Variants in SLIT3 observed in about 807,000 individuals in gnomAD.
The protein encoded by SLIT3 is slit homolog 3 protein.
In SLIT3, 68 loss-of-function variants were observed where a neutral mutation model predicts 184.0. The observed-to-expected ratio is 0.37, with a 90% CI of 0.30 to 0.45. SLIT3 has a LOEUF of 0.45. SLIT3 is among the 20% of genes least tolerant of loss of function. The probability of loss-of-function intolerance (pLI) is 1.00; values close to 1 mark genes in which losing one functional copy is unlikely to be tolerated. For synonymous variants in SLIT3, 831 were observed against 828.6 expected (o/e 1.00, Z -0.05); for missense variants, 1,707 against 2,026.0 (o/e 0.84, Z 3.02).
chr5:168,846,467 G>T (rs1208408334), intron 5 of SLIT3, among the ~76,000 whole-genome samples: 1 of 152,154 alleles, frequency 6.6e-6, no homozygotes, highest in Non-Finnish European at 1.5e-5. Context: ...TATGAAGGCA[G>T]TCTAGTCCTG....
rs144828448 is a variant in SLIT3 at position 169,076,324 on chromosome 5, TG to T, written c.413+117154del. ...TAGCACTAGAGATTGTTCAGGAGGC[TG>T]TGATTATAACCCAGGGCTGCTATGT... is the stretch of plus-strand genomic sequence containing the variant. On this transcript the variant is annotated intron_variant, in intron 4 of 35. Coordinates refer to ENST00000519560, the MANE Select transcript of SLIT3 (RefSeq NM_003062.4). 6.8e-3 allele frequency among the ~76,000 whole-genome samples: 1,042 copies of T among 152,314 alleles called. 13 individuals carry two copies. The highest frequency in any genetic ancestry group is 0.024 in the African/African-American group (1,009 of 41,560).
chr5:168,794,520 G>A (rs4867933), intron 10 of SLIT3, among the ~76,000 whole-genome samples: 61,191 of 151,978 alleles, frequency 0.4, 14,305 homozygotes, highest in African/African-American at 0.65. Flanking sequence ...GTGCCGTCCA[G>A]GCTGCTGTGG....
chr5:169,146,610 C>G (rs1388989427), intron 4 of SLIT3, among the ~76,000 whole-genome samples: 1 of 152,172 alleles, frequency 6.6e-6, no homozygotes, highest in African/African-American at 2.4e-5. Flanking sequence ...TCCACTGCTA[C>G]CTGCACACCT....
Position 168,762,522 on chromosome 5 carries a change from G to T in SLIT3, c.1610+17C>A. The T allele has an allele frequency of 1.2e-6, 2 of 1,609,472 alleles. No homozygotes were observed. Among genetic ancestry groups the T allele is most frequent in the South Asian group, 1.1e-5 (1 of 90,976 alleles). Reference sequence around the variant, plus strand: ...GTGTGGGGAGGAGTAGGGAGTTCACGCCGAGGTTGGACTTACAGGTCGGTG... The same window carrying T: ...GTGTGGGGAGGAGTAGGGAGTTCACTCCGAGGTTGGACTTACAGGTCGGTG... On this transcript the variant is annotated intron_variant, in intron 15 of 35. Transcript: ENST00000519560.
At chr5:168,775,328 C>T (rs910090514) in intron 12 of SLIT3, among the ~76,000 whole-genome samples, 4 of 152,282 alleles carry the variant, frequency 2.6e-5, no homozygotes, top group East Asian at 3.9e-4. Context: ...TGAGCCACCA[C>T]GCCCGGCCTA....
At chr5:168,667,382 A>G (rs1761091134) in intron 35 of SLIT3, among the ~76,000 whole-genome samples, 1 of 152,256 alleles carries the variant, frequency 6.6e-6, no homozygotes, top group African/African-American at 2.4e-5. Context: ...AGACATTTGT[A>G]TTCAAAAGGC....
At chr5:169,144,864 G>A (rs1761875963) in intron 4 of SLIT3, among the ~76,000 whole-genome samples, 1 of 152,160 alleles carries the variant, frequency 6.6e-6, no homozygotes, top group Admixed American at 6.5e-5. Flanking sequence ...AAAAGAAGTA[G>A]CAAGACGGAA....
At chr5:168,887,756 A>C (rs568529067) in intron 4 of SLIT3, among the ~76,000 whole-genome samples, 1 of 152,230 alleles carries the variant, frequency 6.6e-6, no homozygotes, top group Non-Finnish European at 1.5e-5. Flanking sequence ...TCTGCAGAGC[A>C]CTCTGCACAG....
intron 32 of SLIT3, among the ~76,000 whole-genome samples, chr5:168,673,540 T>C (rs292487): frequency 6.6e-6 from 1 of 152,098 alleles, no homozygotes; most frequent in African/African-American, 2.4e-5. Flanking sequence ...GTGCTTATGG[T>C]TTTCTCTGTG....
At chr5:168,866,863 CT>C (rs1366108845) in intron 5 of SLIT3, among the ~76,000 whole-genome samples, 1 of 152,200 alleles carries the variant, frequency 6.6e-6, no homozygotes, top group Non-Finnish European at 1.5e-5. Context: ...AGTGCTAACT[CT>C]TTTACAAACA....
intron 6 of SLIT3, among the ~76,000 whole-genome samples, chr5:168,829,383 G>T (rs1295992222): frequency 3.9e-5 from 6 of 152,154 alleles, no homozygotes; most frequent in African/African-American, 7.2e-5. Flanking sequence ...CTTCCTGTGG[G>T]TATTCTTGGA....
At chr5:168,728,917 C>CA (rs61422376) in intron 20 of SLIT3, among the ~76,000 whole-genome samples, 121 of 128,920 alleles carry the variant, frequency 9.4e-4, no homozygotes, top group Middle Eastern at 8.2e-3. Flanking sequence ...GACTCTGTCT[C>CA]AAAAAAAAAC....
intron 5 of SLIT3, among the ~76,000 whole-genome samples, chr5:168,866,030 G>C (rs1759287164): frequency 6.6e-6 from 1 of 152,150 alleles, no homozygotes. Flanking sequence ...CCCAATTTGA[G>C]GAAGCTCTGT....
chr5:168,881,111 C>T (rs1021002225), intron 5 of SLIT3, among the ~76,000 whole-genome samples: 8 of 152,248 alleles, frequency 5.3e-5, no homozygotes, highest in South Asian at 2.1e-4. Flanking sequence ...CCTTCTTCCC[C>T]GCAAGCCCAG....
At chr5:169,259,632 C>T (rs577593235) in intron 1 of SLIT3, among the ~76,000 whole-genome samples, 2 of 152,150 alleles carry the variant, frequency 1.3e-5, no homozygotes, top group African/African-American at 4.8e-5. Context: ...CCTGTAGGGG[C>T]TACCATACAA....
At chr5:169,265,713 T>C (rs545063610) in intron 1 of SLIT3, among the ~76,000 whole-genome samples, 3 of 152,264 alleles carry the variant, frequency 2.0e-5, no homozygotes, top group Middle Eastern at 3.4e-3. Context: ...AAGAATTAAA[T>C]GAGATGATAC....
At chr5:168,741,594 T>C (rs1377024352) in intron 20 of SLIT3, among the ~76,000 whole-genome samples, 1 of 151,888 alleles carries the variant, frequency 6.6e-6, no homozygotes, top group Non-Finnish European at 1.5e-5. Context: ...TGAGACACAA[T>C]TGCTGCTCTC....
chr5:168,784,889 G>A (rs200064808), intron 12 of SLIT3, among the ~76,000 whole-genome samples: 1,968 of 141,318 alleles, frequency 0.014, 43 homozygotes, highest in African/African-American at 0.049. Flanking sequence ...ACACACACAC[G>A]CACACACACA....
chr5:168,806,609 G>A, intron 8 of SLIT3, 22 bp from the exon 9 acceptor site: 1 of 1,612,952 alleles, frequency 6.2e-7, no homozygotes, highest in Non-Finnish European at 8.5e-7. Flanking sequence ...AGACACAACG[G>A]TCAACTTATG....
Sources: allele counts gnomAD v4.1 joint callset (sites outside exome capture counted in the v4.1 genomes callset), GRCh38; gene constraint gnomAD v4.1.1; transcripts MANE v1.5; gene names NCBI Gene and HGNC (gene_info 2026-07-23, HGNC 2026-07-21).